ANAPC13: variants seen among roughly 807,000 people sequenced by gnomAD.
ANAPC13 encodes the protein anaphase promoting complex subunit 13.
A neutral mutation model predicts 9.6 loss-of-function variants in ANAPC13; 9 were observed. The observed-to-expected ratio is 0.94, with a 90% CI of 0.57 to 1.64. ANAPC13 has a LOEUF of 1.64. ANAPC13 is among the 40% of genes most tolerant of loss of function. ANAPC13 has a pLI of 0.00. For missense variants in ANAPC13, 75 were observed against 85.3 expected, an observed-to-expected ratio of 0.88 and a Z score of 0.48; for synonymous variants, 30 against 29.7, an observed-to-expected ratio of 1.01 and a Z score of -0.03.
chr3:134,479,565 T>C (rs1934691018), intron 2 of ANAPC13, among the ~76,000 whole-genome samples: 1 of 152,052 alleles, frequency 6.6e-6, no homozygotes, highest in Admixed American at 6.5e-5. Flanking sequence ...GTCAGGCTGG[T>C]CTCGAACTCC....
rs773183205 is a variant in ANAPC13, at chr3:134,482,899, G to A, written c.6C>T (p.Asp2=). The A allele has an allele frequency of 6.2e-7, 1 of 1,613,572 alleles. No homozygotes were observed. Among genetic ancestry groups the A allele is most frequent in the Admixed American group, 1.7e-5 (1 of 60,000 alleles). M[D]SEVQRDGRIL... ...TCCTTCCATCTCTCTGAACCTCACT[G>A]TCCATTTTCCTGCAGCTTTGATCTT... Residue 2 remains aspartate, a synonymous_variant, in exon 2 of 3, where the codon GAC becomes GAT. Coordinates refer to ENST00000354910, the MANE Select transcript of ANAPC13 (RefSeq NM_015391.4).
In ANAPC13 at chr3:134,485,128, T is replaced by G. The variant is rs114983266; in HGVS notation, c.-28+824A>C. Reference sequence around the variant, plus strand: ...TTTCAAGATAAACGCAGGCGTCAGCTCTTGAAGGTCAACATCCCATTTCCG... The same window carrying G: ...TTTCAAGATAAACGCAGGCGTCAGCGCTTGAAGGTCAACATCCCATTTCCG... On this transcript the variant is annotated intron_variant, in intron 1 of 2. Transcript: ENST00000354910. 5.3e-3 allele frequency among the ~76,000 whole-genome samples: 802 copies of G among 152,224 alleles called. 15 individuals carry two copies. Among genetic ancestry groups the G allele is most frequent in the African/African-American group, 0.019 (769 of 41,526 alleles).
rs1339132718 is a variant in ANAPC13 at position 134,478,550 on chromosome 3, G to A, written c.*40C>T. 1 of 1,603,394 alleles carries A rather than the reference G, an allele frequency of 6.2e-7. No individual in the cohort carries two copies. The highest frequency in any genetic ancestry group is 1.3e-5 in the African/African-American group (1 of 74,246). On this transcript the variant is annotated 3_prime_UTR_variant, in exon 3 of 3. Transcript: ENST00000354910. ...CTGAAACAAACCATGCTTTATCTGT[G>A]TACTTTGAGAAAATCCATCCACAAG...
At chr3:134,482,028 CTCT>C (rs1156700395) in intron 2 of ANAPC13, among the ~76,000 whole-genome samples, 1 of 152,176 alleles carries the variant, frequency 6.6e-6, no homozygotes, top group Non-Finnish European at 1.5e-5. Context: ...ATATTACTAT[CTCT>C]TATTCGTAAA....
intron 2 of ANAPC13, 98 bp downstream of exon 2, chr3:134,482,708 C>T (rs1478648291): frequency 7.4e-5 from 71 of 964,734 alleles, no homozygotes; most frequent in Non-Finnish European, 1.2e-4. Flanking sequence ...GCTTTGATTT[C>T]TTTGCCACAC....
intron 2 of ANAPC13, among the ~76,000 whole-genome samples, chr3:134,479,570 A>G (rs1440657089): frequency 6.6e-6 from 1 of 151,814 alleles, no homozygotes; most frequent in Non-Finnish European, 1.5e-5. Context: ...GCTGGTCTCG[A>G]ACTCCCAACC....
In ANAPC13 at chr3:134,478,599, AATGGGGGGAACATTCTC is replaced by A. The variant is rs776152451; in HGVS notation, c.199_215del (p.Glu67TrpfsTer32). The A allele has an allele frequency of 6.2e-7, 1 of 1,613,120 alleles. No homozygotes were observed. Among genetic ancestry groups the A allele is most frequent in the East Asian group, 2.2e-5 (1 of 44,836 alleles). On this transcript the variant is annotated frameshift_variant, in exon 3 of 3. Coordinates refer to ENST00000354910, the MANE Select transcript of ANAPC13 (RefSeq NM_015391.4). LOFTEE classifies it high-confidence loss of function. Reference sequence around the variant, plus strand: ...AGAAAGGAGCCAAGCGTCAGTTTCCAATGGGGGGAACATTCTCATGGAGGTACTGTAAGGCTAAGTCT... The same window carrying A: ...AGAAAGGAGCCAAGCGTCAGTTTCCAATGGAGGTACTGTAAGGCTAAGTCT...
At position 134,478,612 on chromosome 3, in the gene ANAPC13, T is replaced by G. The variant is rs772450733; in HGVS notation, c.203A>C (p.Asn68Thr). The G allele has an allele frequency of 2.2e-5, 35 of 1,613,772 alleles. No individual in the cohort carries two copies. Among genetic ancestry groups the G allele is most frequent in the Non-Finnish European group, 2.8e-5 (33 of 1,179,974 alleles). Residue 68 changes from asparagine (N) to threonine (T), a missense_variant, in exon 3 of 3, where the codon AAT becomes ACT. By Grantham distance (65) the Asn-to-Thr change is moderately conservative. Transcript: ENST00000354910. Reference sequence around the variant, plus strand: ...GCGTCAGTTTCCAATGGGGGGAACATTCTCATGGAGGTACTGTAAGGCTAA... The same window carrying G: ...GCGTCAGTTTCCAATGGGGGGAACAGTCTCATGGAGGTACTGTAAGGCTAA... ...TDLALQYLHE[N>T]VPPIGN
At chr3:134,481,022 A>G (rs1356274961) in intron 2 of ANAPC13, among the ~76,000 whole-genome samples, 1 of 152,040 alleles carries the variant, frequency 6.6e-6, no homozygotes, top group Non-Finnish European at 1.5e-5. Flanking sequence ...CTGCCACCCA[A>G]ATGTTCTCCA....
Position 134,482,838 on chromosome 3 carries a change from T to TAGAC in ANAPC13, c.66_67insGTCT (p.Lys23ValfsTer2). 6.2e-7 allele frequency: 1 copy of TAGAC among 1,614,190 alleles called. No homozygotes were observed. ...ATTGCGACATCCTCATAAGGCAGCT[T>TAGAC]GTCTTCTCGCCAAGCATCATCAATC... is the stretch of plus-strand genomic sequence containing the variant. On this transcript the variant is annotated frameshift_variant, in exon 2 of 3. Coordinates refer to ENST00000354910, the MANE Select transcript of ANAPC13 (RefSeq NM_015391.4). LOFTEE classifies it high-confidence loss of function.
At chr3:134,480,556 G>A (rs1934712414) in intron 2 of ANAPC13, among the ~76,000 whole-genome samples, 1 of 152,192 alleles carries the variant, frequency 6.6e-6, no homozygotes, top group Admixed American at 6.5e-5. Flanking sequence ...ATGCCAGTGG[G>A]CCAGTTCTTG....
At position 134,478,701 on chromosome 3, in the gene ANAPC13, T is replaced by C. The variant is rs752720001; in HGVS notation, c.114A>G (p.Glu38=). The C allele has an allele frequency of 6.8e-6, 11 of 1,613,840 alleles. No individual in the cohort carries two copies. The Admixed American group carries it at 1.0e-4, about 15-fold the overall frequency. Residue 38 remains glutamate (E), a synonymous_variant, in exon 3 of 3, where the codon GAA becomes GAG. Coordinates refer to ENST00000354910, the MANE Select transcript of ANAPC13 (RefSeq NM_015391.4). ...TGGTGCCACCATTGTCTTGTTCAGG[T>C]TCAGGAAGCTCATTCTGAAAAGGTA... The part of the protein sequence containing the change: ...DVAIPLNELP[E]PEQDNGGTTE...
intron 1 of ANAPC13, chr3:134,485,473 G>T (rs534223862): frequency 3.9e-5 from 6 of 152,370 alleles, no homozygotes; most frequent in African/African-American, 1.4e-4. Context: ...CACCCCTCCA[G>T]GGGTCTCACA....
At chr3:134,485,815 C>G (rs948542884) in intron 1 of ANAPC13, 137 bp downstream of exon 1, 2 of 219,004 alleles carry the variant, frequency 9.1e-6, no homozygotes, top group South Asian at 3.3e-4. Context: ...CCTCCCGACA[C>G]GAGTGCAGTA....
chr3:134,480,774 A>T (rs1381861289), intron 2 of ANAPC13, among the ~76,000 whole-genome samples: 3 of 152,246 alleles, frequency 2.0e-5, no homozygotes, highest in Non-Finnish European at 4.4e-5. Flanking sequence ...AACACAGGCA[A>T]GCCTGGCAGG....
rs1934644645 is a variant in ANAPC13 at position 134,477,804 on chromosome 3, A to T, written c.*786T>A. The T allele has an allele frequency of 6.6e-6, 1 of 152,226 alleles. No individual in the cohort carries two copies. The highest frequency in any genetic ancestry group is 1.5e-5 in the Non-Finnish European group (1 of 68,030). 9.4% of individuals were successfully genotyped at this position (152,226 alleles called of 1,614,324 possible). On this transcript the variant is annotated 3_prime_UTR_variant, in exon 3 of 3. Coordinates refer to ENST00000354910, the MANE Select transcript of ANAPC13 (RefSeq NM_015391.4). ...CTTACAGAGTTTACAATCTGGGGAG[A>T]GAACATGAAAGACACTGTTTAACAG...
Position 134,478,602 on chromosome 3 carries a change from G to T in ANAPC13, c.213C>A (p.Pro71=). 1 of 1,613,336 alleles carries T rather than the reference G, an allele frequency of 6.2e-7. No individual in the cohort carries two copies. The highest frequency in any genetic ancestry group is 8.5e-7 in the Non-Finnish European group (1 of 1,179,794). ...ALQYLHENVP[P]IGN ...AAGGAGCCAAGCGTCAGTTTCCAAT[G>T]GGGGGAACATTCTCATGGAGGTACT... Residue 71 remains proline, a synonymous_variant, in exon 3 of 3, where the codon CCC becomes CCA. Transcript: ENST00000354910.
At position 134,478,684 on chromosome 3, in the gene ANAPC13, C is replaced by A. The variant is rs201280783; in HGVS notation, c.131G>T (p.Gly44Val). Residue 44 changes from glycine to valine, a missense_variant, in exon 3 of 3, where the codon GGT becomes GTT. Coordinates refer to ENST00000354910, the MANE Select transcript of ANAPC13 (RefSeq NM_015391.4). ...TTCTTTGACAGATTCTGTGGTGCCA[C>A]CATTGTCTTGTTCAGGTTCAGGAAG... ...NELPEPEQDN[G>V]GTTESVKEQE... The A allele has an allele frequency of 6.2e-7, 1 of 1,614,110 alleles. No individual in the cohort carries two copies. Among genetic ancestry groups the A allele is most frequent in the East Asian group, 2.2e-5 (1 of 44,866 alleles).
chr3:134,478,930 T>C (rs974860347), intron 2 of ANAPC13, among the ~76,000 whole-genome samples: 9 of 152,228 alleles, frequency 5.9e-5, no homozygotes, highest in African/African-American at 1.9e-4. Flanking sequence ...GATGGGCATT[T>C]TGACTCTGAC....
Sources: gnomAD v4.1 joint callset for allele counts (sites outside exome capture counted in the v4.1 genomes callset) on GRCh38, gnomAD v4.1.1 for gene constraint, MANE v1.5 for transcripts, NCBI Gene and HGNC (gene_info 2026-07-23, HGNC 2026-07-21) for gene names.